Variants in IGBP1 observed in about 807,000 individuals in gnomAD.
IGBP1 encodes immunoglobulin binding protein 1, also known as immunoglobulin-binding protein 1.
Under a neutral mutation model 25.9 loss-of-function variants are expected in IGBP1, and 2 were observed. The ratio of observed to expected loss-of-function variants is 0.08; its 90% CI spans 0.03 to 0.24. The LOEUF is 0.24. Ranked by LOEUF, IGBP1 falls within the 10% of genes least tolerant of loss-of-function variation. The pLI, the probability that IGBP1 is intolerant of heterozygous loss-of-function variation, is 1.00. For synonymous variants in IGBP1, 96 were observed against 93.4 expected (o/e 1.03, Z -0.16); for missense variants, 187 against 260.4 (o/e 0.72, Z 1.94).
chrX:70,164,432 A>G (rs1368360982), intron 6 of IGBP1, among the ~76,000 whole-genome samples: 3 of 111,945 alleles, frequency 2.7e-5, no homozygotes, highest in Non-Finnish European at 3.8e-5. Context: ...AATGGGCACA[A>G]GGGATCTTTT....
intron 3 of IGBP1, among the ~76,000 whole-genome samples, chrX:70,145,529 A>G (rs2085160403): frequency 1.8e-5 from 2 of 111,134 alleles, no homozygotes; most frequent in African/African-American, 6.5e-5. Flanking sequence ...TATTCATGTC[A>G]TGTATTCAAA....
At chrX:70,137,744 A>T in intron 3 of IGBP1, among the ~76,000 whole-genome samples, 1 of 99,337 alleles carries the variant, frequency 1.0e-5, no homozygotes, top group African/African-American at 3.9e-5. Context: ...GTATCCAAAT[A>T]ATTATACAAA....
chrX:70,150,518 A>G (rs893496407), intron 6 of IGBP1, among the ~76,000 whole-genome samples, 196 bp downstream of exon 6: 4 of 111,694 alleles, frequency 3.6e-5, no homozygotes, highest in African/African-American at 9.8e-5. Context: ...CAGTGATAGC[A>G]TAGTTTGTAA....
At chrX:70,152,269 A>G (rs747595814) in intron 6 of IGBP1, among the ~76,000 whole-genome samples, 1 of 112,063 alleles carries the variant, frequency 8.9e-6, no homozygotes, top group South Asian at 3.8e-4. Flanking sequence ...AAGCACCTCA[A>G]CTAAGGCTAA....
intron 3 of IGBP1, among the ~76,000 whole-genome samples, chrX:70,139,919 C>T (rs2085119830): frequency 1.8e-5 from 2 of 111,686 alleles, no homozygotes; most frequent in African/African-American, 6.5e-5. Flanking sequence ...CCACAATGAC[C>T]GTCTTTCAGT....
chrX:70,150,159 ATTTTTGTT>A (rs371421546), intron 5 of IGBP1, 43 bp from the exon 6 acceptor site: 338 of 759,249 alleles, frequency 4.5e-4, no homozygotes, highest in Middle Eastern at 1.3e-3. Context: ...TTTTTTTGTT[ATTTTTGTT>A]TTTTTGTTTT....
intron 3 of IGBP1, among the ~76,000 whole-genome samples, chrX:70,139,330 AAAAG>A (rs1351675038): frequency 5.5e-5 from 6 of 109,331 alleles, no homozygotes; most frequent in Non-Finnish European, 9.7e-5. Flanking sequence ...AAAAAAAAAG[AAAAG>A]AAAAGAAAAA....
chrX:70,145,856 C>T (rs932375658), intron 3 of IGBP1, among the ~76,000 whole-genome samples: 6 of 112,364 alleles, frequency 5.3e-5, no homozygotes, highest in East Asian at 2.8e-4. Flanking sequence ...ATAATAGCAC[C>T]GCTACTTTTC....
intron 3 of IGBP1, among the ~76,000 whole-genome samples, chrX:70,136,720 T>TTATTATTAC (rs1476167260): frequency 2.1e-4 from 23 of 107,712 alleles, no homozygotes; most frequent in Admixed American, 4.0e-4. Flanking sequence ...ATTATTATTA[T>TTATTATTAC]TATTATTATA....
chrX:70,150,405 T>A (rs1439080993), intron 6 of IGBP1, 83 bp downstream of exon 6: 1 of 587,911 alleles, frequency 1.7e-6, no homozygotes, highest in Non-Finnish European at 3.0e-6. Context: ...ATAGTTGCCC[T>A]TTAGGAACAG....
At chrX:70,135,315 T>C (rs1321454790) in intron 3 of IGBP1, among the ~76,000 whole-genome samples, 1 of 111,916 alleles carries the variant, frequency 8.9e-6, no homozygotes, top group Non-Finnish European at 1.9e-5. Flanking sequence ...TTAAACAACA[T>C]TTAATGGGTG....
chrX:70,150,390 C>G (rs2085195556), intron 6 of IGBP1, 68 bp downstream of exon 6: 1 of 662,975 alleles, frequency 1.5e-6, no homozygotes, highest in Non-Finnish European at 2.5e-6. Flanking sequence ...AAGTTCTTAC[C>G]AAGTATAGTT....
intron 3 of IGBP1, among the ~76,000 whole-genome samples, chrX:70,142,631 A>G (rs1210537946): frequency 1.8e-5 from 2 of 109,865 alleles, no homozygotes; most frequent in Admixed American, 9.8e-5. Flanking sequence ...CAGCCTGGGC[A>G]ACGTAGTGAG....
Position 70,136,727 on chromosome X carries a change from T to TATTATA in IGBP1, c.482+1913_482+1914insTATAAT, listed in dbSNP as rs751626880. On this transcript the variant is annotated intron_variant, in intron 3 of 6. Coordinates refer to ENST00000356413, the MANE Select transcript of IGBP1 (RefSeq NM_001551.3). ...TTATTATTATTATTATTATTATTAT[T>TATTATA]ATACAGAGTTTCACCCTTGTCACCC... Among the ~76,000 whole-genome samples, 153 of 107,677 alleles carry TATTATA rather than the reference T, an allele frequency of 1.4e-3. 1 individual carries two copies. Among genetic ancestry groups the TATTATA allele is most frequent in the African/African-American group, 5.1e-3 (149 of 29,030 alleles). 93.5% of individuals were successfully genotyped at this position (107,677 alleles called of 115,157 possible).
intron 6 of IGBP1, chrX:70,164,993 C>T (rs1176337753): frequency 9.0e-6 from 1 of 110,807 alleles, no homozygotes; most frequent in African/African-American, 3.3e-5. Flanking sequence ...CCCAGGAGTT[C>T]GAGGCTACAG....
At chrX:70,155,358 G>T (rs949926247) in intron 6 of IGBP1, among the ~76,000 whole-genome samples, 1 of 109,959 alleles carries the variant, frequency 9.1e-6, no homozygotes, top group Admixed American at 9.6e-5. Context: ...AGCCGGGTGT[G>T]GTGGCACACG....
chrX:70,150,466 A>G (rs911654759), intron 6 of IGBP1, 144 bp downstream of exon 6: 9 of 488,473 alleles, frequency 1.8e-5, no homozygotes, highest in Admixed American at 3.1e-5. Context: ...AGACAGTACT[A>G]TGTTTATTAT....
At chrX:70,140,385 G>T (rs982035356) in intron 3 of IGBP1, among the ~76,000 whole-genome samples, 8 of 112,159 alleles carry the variant, frequency 7.1e-5, no homozygotes, top group East Asian at 2.8e-4. Flanking sequence ...AAGCTAAGAG[G>T]AGTATGGTTG....
intron 6 of IGBP1, among the ~76,000 whole-genome samples, chrX:70,159,565 G>T (rs868693692): frequency 9.0e-6 from 1 of 110,816 alleles, no homozygotes; most frequent in African/African-American, 3.3e-5. Flanking sequence ...ATGGGTGCAG[G>T]TTCAGTCTCA....
Sources: gnomAD v4.1 joint callset for allele counts (sites outside exome capture counted in the v4.1 genomes callset) on GRCh38, gnomAD v4.1.1 for gene constraint, MANE v1.5 for transcripts, NCBI Gene and HGNC (gene_info 2026-07-23, HGNC 2026-07-21) for gene names.